MIA3: variants seen among roughly 807,000 people sequenced by gnomAD.
MIA3 encodes the protein MIA SH3 domain ER export factor 3.
A neutral mutation model predicts 192.4 loss-of-function variants in MIA3; 90 were observed. That is an observed-to-expected ratio of 0.47 (90% CI 0.39 to 0.56). The LOEUF (loss-of-function observed/expected upper bound fraction) is 0.56, where lower values mean the gene tolerates loss of function less well. Among genes scored for constraint, MIA3 ranks in the 20% least tolerant of loss-of-function variants. MIA3 has a pLI of 0.00. For synonymous variants in MIA3, 740 were observed against 792.8 expected (o/e 0.93, Z 1.12); for missense variants, 2,123 against 2,269.4 (o/e 0.94, Z 1.31).
chr1:222,662,597 C>G (rs1664075750), intron 26 of MIA3: 1 of 806,156 alleles, frequency 1.2e-6, no homozygotes, highest in Non-Finnish European at 1.7e-6. Flanking sequence ...TTACTTTTAT[C>G]CTTGACTTGG....
At chr1:222,660,103 T>C in intron 23 of MIA3, 74 bp from the exon 24 acceptor site, 1 of 1,590,042 alleles carries the variant, frequency 6.3e-7, no homozygotes, top group Non-Finnish European at 8.6e-7. Flanking sequence ...TATGGTACCC[T>C]AGGAATAATC....
chr1:222,643,948 G>A (rs908834913), intron 6 of MIA3, among the ~76,000 whole-genome samples: 1 of 145,214 alleles, frequency 6.9e-6, no homozygotes, highest in African/African-American at 2.5e-5. Flanking sequence ...AGTGGGCAAG[G>A]AAGAAAGGCC....
intron 8 of MIA3, among the ~76,000 whole-genome samples, chr1:222,649,057 G>A (rs1025551661): frequency 2.0e-5 from 3 of 152,218 alleles, no homozygotes; most frequent in African/African-American, 4.8e-5. Context: ...GGAACGAATT[G>A]TGGGAGTAGG....
At position 222,665,506 on chromosome 1, in the gene MIA3, C is replaced by G. The variant is rs569861106; in HGVS notation, c.5611C>G (p.Pro1871Ala). The change falls in exon 28 of 28, where the codon CCA becomes GCA. Residue 1871 changes from proline to alanine, a missense_variant. Transcript: ENST00000344922. ...CCCAACCCATGGTCCCCAGGAATACCCACCACCACCTGCTGTAAGAGACTT... is the reference window on the plus strand; with the variant it reads ...CCCAACCCATGGTCCCCAGGAATACGCACCACCACCTGCTGTAAGAGACTT... ...PPPTHGPQEY[P>A]PPPAVRDLLP... 1 of 1,614,030 alleles carries G rather than the reference C, an allele frequency of 6.2e-7. No individual in the cohort carries two copies. Among genetic ancestry groups the G allele is most frequent in the African/African-American group, 1.3e-5 (1 of 75,000 alleles).
chr1:222,642,509 T>C (rs1474197267), intron 6 of MIA3, among the ~76,000 whole-genome samples: 1 of 152,192 alleles, frequency 6.6e-6, no homozygotes, highest in African/African-American at 2.4e-5. Context: ...TGGAATAATA[T>C]AGTTTTGTGC....
intron 18 of MIA3, among the ~76,000 whole-genome samples, chr1:222,655,238 TCA>T (rs1663656527): frequency 6.6e-6 from 1 of 152,260 alleles, no homozygotes; most frequent in Admixed American, 6.5e-5. Context: ...GTTTTGGACT[TCA>T]CAGAGTAAAA....
chr1:222,662,642 T>G, intron 26 of MIA3: 2 of 416,486 alleles, frequency 4.8e-6, no homozygotes, highest in South Asian at 6.1e-5. Flanking sequence ...TCATTGGCCT[T>G]TTCTCCTCTC....
At position 222,648,959 on chromosome 1, in the gene MIA3, T is replaced by C. The variant is rs747139885; in HGVS notation, c.3631+109T>C. The C allele has an allele frequency of 3.2e-4, 233 of 728,326 alleles. 2 individuals are homozygous for C. The highest frequency in any genetic ancestry group is 4.8e-4 in the Non-Finnish European group (211 of 441,898). 45.1% of individuals were successfully genotyped at this position (728,326 alleles called of 1,614,324 possible). On this transcript the variant is annotated intron_variant, in intron 8 of 27. Coordinates refer to ENST00000344922, the MANE Select transcript of MIA3 (RefSeq NM_198551.4). ...TAACTTCTGATGTCTGACTGACTTA[T>C]AGCTTCTGAAAACTTTACTGTTCCT... is the stretch of plus-strand genomic sequence containing the variant.
At chr1:222,632,699 G>T (rs186650596) in intron 5 of MIA3, among the ~76,000 whole-genome samples, 21 of 152,352 alleles carry the variant, frequency 1.4e-4, no homozygotes, top group Admixed American at 2.6e-4. Flanking sequence ...AGACTGACCT[G>T]ATGCAAATTA....
chr1:222,627,449 T>C, intron 3 of MIA3, 126 bp from the exon 4 acceptor site: 1 of 773,552 alleles, frequency 1.3e-6, no homozygotes, highest in Non-Finnish European at 2.1e-6. Flanking sequence ...CAGTGCCCAG[T>C]GTTGACGCAA....
intron 3 of MIA3, among the ~76,000 whole-genome samples, chr1:222,625,905 T>C (rs971275654): frequency 6.6e-6 from 1 of 152,008 alleles, no homozygotes; most frequent in Non-Finnish European, 1.5e-5. Context: ...CCCAGCCAAT[T>C]TTTTTGTGTT....
chr1:222,642,029 A>G (rs1662883337), intron 6 of MIA3, among the ~76,000 whole-genome samples: 1 of 152,366 alleles, frequency 6.6e-6, no homozygotes, highest in South Asian at 2.1e-4. Context: ...GCTGAATGAG[A>G]GAAGCCAGAG....
intron 6 of MIA3, chr1:222,644,586 G>A (rs1313675168): frequency 1.9e-6 from 3 of 1,550,564 alleles, no homozygotes; most frequent in Non-Finnish European, 2.6e-6. Flanking sequence ...AGCTGCTGGA[G>A]GTGACAGTCC....
chr1:222,630,602 T>G (rs547692399), intron 4 of MIA3, among the ~76,000 whole-genome samples: 9 of 152,234 alleles, frequency 5.9e-5, no homozygotes, highest in Admixed American at 5.9e-4. Flanking sequence ...TAGTTGAGAC[T>G]GGTTAGCATT....
At chr1:222,645,324 C>T (rs1006091945) in intron 6 of MIA3, among the ~76,000 whole-genome samples, 12 of 152,106 alleles carry the variant, frequency 7.9e-5, no homozygotes, top group Non-Finnish European at 1.2e-4. Context: ...ATATGCCCAA[C>T]CTAAAGACAT....
intron 1 of MIA3, among the ~76,000 whole-genome samples, chr1:222,619,250 G>T (rs1383152135): frequency 6.6e-6 from 1 of 152,100 alleles, no homozygotes; most frequent in Non-Finnish European, 1.5e-5. Context: ...ATGTTCGCCG[G>T]ACCAGGATCA....
At chr1:222,621,123 T>C in intron 1 of MIA3, 36 bp from the exon 2 acceptor site, 1 of 1,559,418 alleles carries the variant, frequency 6.4e-7, no homozygotes, top group Non-Finnish European at 8.7e-7. Flanking sequence ...TGAATCCTGA[T>C]ATCTGGCTAT....
intron 6 of MIA3, among the ~76,000 whole-genome samples, chr1:222,643,299 C>T (rs894286992): frequency 5.9e-5 from 9 of 152,108 alleles, no homozygotes; most frequent in African/African-American, 2.2e-4. Flanking sequence ...GTCTGTTAAC[C>T]AGCTGCCTTG....
chr1:222,625,282 T>C (rs1052988075), intron 3 of MIA3, among the ~76,000 whole-genome samples: 4 of 152,146 alleles, frequency 2.6e-5, no homozygotes, highest in African/African-American at 9.7e-5. Flanking sequence ...TGGGATTACA[T>C]GCGTGAGCCA....
Sources: gnomAD v4.1 joint callset for allele counts (sites outside exome capture counted in the v4.1 genomes callset) on GRCh38, gnomAD v4.1.1 for gene constraint, MANE v1.5 for transcripts, NCBI Gene and HGNC (gene_info 2026-07-23, HGNC 2026-07-21) for gene names.